Variants in PTPRD observed in about 807,000 individuals in gnomAD.
The protein encoded by PTPRD is receptor-type tyrosine-protein phosphatase delta.
In PTPRD, 34 loss-of-function variants were observed where a neutral mutation model predicts 214.5. That is an observed-to-expected ratio of 0.16 (90% confidence interval 0.12 to 0.21). The LOEUF (loss-of-function observed/expected upper bound fraction) is 0.21. Ranked by LOEUF, PTPRD falls within the 10% of genes least tolerant of loss-of-function variation. PTPRD has a pLI of 1.00. For missense variants in PTPRD, 2,545 were observed against 2,398.7 expected (o/e 1.06, Z -1.27); for synonymous variants, 1,128 against 845.7 (o/e 1.33, Z -5.79).
chr9:8,500,558 GAAAAAAAAAAA>G (rs146807692), intron 24 of PTPRD, among the ~76,000 whole-genome samples, 185 bp downstream of exon 24: 11 of 14,314 alleles, frequency 7.7e-4, no homozygotes, highest in East Asian at 3.1e-3. Context: ...TGAAAAAAAT[GAAAAAAAAAAA>G]AAAAAAAAAA....
chr9:9,242,731 T>G (rs1172000868), intron 9 of PTPRD, among the ~76,000 whole-genome samples: 1 of 152,084 alleles, frequency 6.6e-6, no homozygotes, highest in East Asian at 1.9e-4. Flanking sequence ...TTATTCTAGT[T>G]AGCCATTCAT....
chr9:9,424,558 A>G (rs1400102193), intron 8 of PTPRD, among the ~76,000 whole-genome samples: 2 of 152,196 alleles, frequency 1.3e-5, no homozygotes, highest in African/African-American at 4.8e-5. Context: ...TACTAATTAC[A>G]AAGATAATAG....
At chr9:8,465,743 G>T in intron 31 of PTPRD, 68 bp from the exon 32 acceptor site, 2 of 1,360,770 alleles carry the variant, frequency 1.5e-6, no homozygotes, top group South Asian at 1.4e-5. Context: ...ATAATTTAAT[G>T]AGATAAATTA....
chr9:9,635,740 C>G (rs1409705287), intron 7 of PTPRD, among the ~76,000 whole-genome samples: 1 of 152,182 alleles, frequency 6.6e-6, no homozygotes, highest in African/African-American at 2.4e-5. Flanking sequence ...AAGTCATTGT[C>G]AACACCACCT....
At chr9:10,048,517 T>A (rs1219354698) in intron 3 of PTPRD, among the ~76,000 whole-genome samples, 2 of 152,116 alleles carry the variant, frequency 1.3e-5, no homozygotes, top group Non-Finnish European at 2.9e-5. Context: ...CATTTTGGTT[T>A]CCAGTTTTAT....
At chr9:10,125,365 T>A (rs1019277704) in intron 3 of PTPRD, among the ~76,000 whole-genome samples, 1 of 150,650 alleles carries the variant, frequency 6.6e-6, no homozygotes, top group African/African-American at 2.4e-5. Flanking sequence ...AATCATTTCT[T>A]TTTTCTTTTC....
At chr9:8,531,487 T>A (rs990548453) in intron 14 of PTPRD, among the ~76,000 whole-genome samples, 1 of 152,064 alleles carries the variant, frequency 6.6e-6, no homozygotes, top group African/African-American at 2.4e-5. Flanking sequence ...TAAAAGTAAT[T>A]TACCTCAAGT....
chr9:9,071,677 C>T (rs2099743938), intron 10 of PTPRD, among the ~76,000 whole-genome samples: 1 of 152,022 alleles, frequency 6.6e-6, no homozygotes, highest in South Asian at 2.1e-4. Flanking sequence ...AAAAATTTTC[C>T]CCAATCAAAC....
intron 39 of PTPRD, among the ~76,000 whole-genome samples, chr9:8,372,577 G>A (rs1340261644): frequency 1.3e-5 from 2 of 151,990 alleles, no homozygotes; most frequent in Non-Finnish European, 2.9e-5. Context: ...TACTCTCAAT[G>A]TTGAGATTCT....
intron 5 of PTPRD, among the ~76,000 whole-genome samples, chr9:9,841,003 T>C (rs1032555154): frequency 6.6e-6 from 1 of 152,070 alleles, no homozygotes; most frequent in African/African-American, 2.4e-5. Context: ...CCAAACACCA[T>C]GCTTTAGCAG....
intron 11 of PTPRD, among the ~76,000 whole-genome samples, chr9:8,803,496 T>C (rs1182626348): frequency 2.0e-5 from 3 of 152,170 alleles, no homozygotes; most frequent in African/African-American, 7.2e-5. Flanking sequence ...TCTTTAACCT[T>C]TGAGTTCTTT....
At chr9:8,681,823 A>G (rs1228267813) in intron 12 of PTPRD, among the ~76,000 whole-genome samples, 1 of 152,240 alleles carries the variant, frequency 6.6e-6, no homozygotes, top group African/African-American at 2.4e-5. Flanking sequence ...AACTACAGCA[A>G]TAAGAATTCA....
At chr9:8,539,369 G>T (rs2077771996) in intron 14 of PTPRD, among the ~76,000 whole-genome samples, 1 of 151,868 alleles carries the variant, frequency 6.6e-6, no homozygotes, top group East Asian at 1.9e-4. Flanking sequence ...TGCTGCTGAT[G>T]CCAATGATAT....
chr9:8,923,173 C>T (rs1183592441), intron 11 of PTPRD, among the ~76,000 whole-genome samples: 1 of 151,700 alleles, frequency 6.6e-6, no homozygotes, highest in Non-Finnish European at 1.5e-5. Flanking sequence ...TCCTAAGTAG[C>T]TGGGATTACA....
At chr9:9,940,099 A>G (rs1305273439) in intron 4 of PTPRD, among the ~76,000 whole-genome samples, 3 of 152,182 alleles carry the variant, frequency 2.0e-5, no homozygotes, top group Non-Finnish European at 2.9e-5. Context: ...GGGAAACCAC[A>G]AGGAAGGTAT....
intron 21 of PTPRD, among the ~76,000 whole-genome samples, chr9:8,509,788 T>G (rs1244984293): frequency 6.6e-6 from 1 of 152,154 alleles, no homozygotes. Context: ...TAAGAGCCCC[T>G]TCCTTCTAAA....
At chr9:9,194,460 C>T (rs949440985) in intron 9 of PTPRD, among the ~76,000 whole-genome samples, 12 of 152,088 alleles carry the variant, frequency 7.9e-5, no homozygotes, top group South Asian at 2.1e-4. Context: ...ACACCAGCAT[C>T]GCCACAAACA....
At chr9:9,195,086 GTA>G (rs540804635) in intron 9 of PTPRD, among the ~76,000 whole-genome samples, 1,488 of 130,976 alleles carry the variant, frequency 0.011, 11 homozygotes, top group African/African-American at 0.015. Context: ...GTGTGTTTGT[GTA>G]TATATATATA....
chr9:10,291,145 G>C lies in PTPRD; in HGVS notation c.-545+49818C>G, dbSNP rs1185042846. 4.0e-5 allele frequency among the ~76,000 whole-genome samples: 6 copies of C among 151,732 alleles called. 1 individual carries two copies. Among genetic ancestry groups the C allele is most frequent in the Non-Finnish European group, 8.8e-5 (6 of 67,966 alleles). The stretch of plus-strand genomic sequence containing the variant: ...GGGGCTTCTGAGAAAGGTTTCTTCA[G>C]TGATAAATAGAGACTCACAGACAGA... On this transcript the variant is annotated intron_variant, in intron 3 of 45. Coordinates refer to ENST00000381196, the MANE Select transcript of PTPRD (RefSeq NM_002839.4).
Sources: gnomAD v4.1 joint callset for allele counts (sites outside exome capture counted in the v4.1 genomes callset) on GRCh38, gnomAD v4.1.1 for gene constraint, MANE v1.5 for transcripts, NCBI Gene and HGNC (gene_info 2026-07-23, HGNC 2026-07-21) for gene names.